PPM1B: variants seen among roughly 807,000 people sequenced by gnomAD.
PPM1B encodes protein phosphatase 1B.
PPM1B carries 22 observed loss-of-function variants against 43.0 expected under a neutral mutation model. That is an observed-to-expected ratio of 0.51 (90% CI 0.37 to 0.73). The LOEUF is 0.73. Ranked by LOEUF, PPM1B falls within the 30% of genes least tolerant of loss-of-function variation. The probability of loss-of-function intolerance (pLI) is 0.00; values close to 1 mark genes in which losing one functional copy is unlikely to be tolerated. For synonymous variants in PPM1B, 217 were observed against 197.9 expected (o/e 1.10, Z -0.81); for missense variants, 632 against 584.2 (o/e 1.08, Z -0.84).
intron 1 of PPM1B, among the ~76,000 whole-genome samples, chr2:44,194,460 A>G (rs892629259): frequency 3.0e-4 from 46 of 151,816 alleles, no homozygotes; most frequent in African/African-American, 1.1e-3. Context: ...GTGTTGGCTC[A>G]TGCCTGTAAT....
At chr2:44,179,637 A>C (rs1263441304) in intron 1 of PPM1B, among the ~76,000 whole-genome samples, 1 of 152,170 alleles carries the variant, frequency 6.6e-6, no homozygotes, top group Non-Finnish European at 1.5e-5. Context: ...TTATTTTGTT[A>C]ATTGTGTTTA....
chr2:44,185,425 A>G (rs1451802942), intron 1 of PPM1B, among the ~76,000 whole-genome samples: 1 of 152,176 alleles, frequency 6.6e-6, no homozygotes, highest in Non-Finnish European at 1.5e-5. Flanking sequence ...ATTCAGTGTG[A>G]TAGATTTTTT....
intron 1 of PPM1B, among the ~76,000 whole-genome samples, chr2:44,179,617 A>G (rs1335002578): frequency 6.6e-6 from 1 of 152,214 alleles, no homozygotes; most frequent in Non-Finnish European, 1.5e-5. Context: ...TGCCGTTGGA[A>G]TGCAGGTGTT....
chr2:44,233,714 G>A (rs554178720), downstream of PPM1B: 1 of 985,820 alleles, frequency 1.0e-6, no homozygotes, highest in East Asian at 1.1e-4. Flanking sequence ...TTTCTGGAGA[G>A]CCACACATTT....
intron 1 of PPM1B, among the ~76,000 whole-genome samples, chr2:44,184,707 C>G (rs187472939): frequency 6.6e-6 from 1 of 152,092 alleles, no homozygotes; most frequent in East Asian, 1.9e-4. Context: ...TTGGCACAGA[C>G]TAAATCAGGG....
chr2:44,202,416 A>G (rs541733210), intron 2 of PPM1B, among the ~76,000 whole-genome samples: 3 of 152,324 alleles, frequency 2.0e-5, no homozygotes, highest in African/African-American at 7.2e-5. Context: ...GATATTACTA[A>G]AAGATCAAGA....
At chr2:44,238,690 A>G (rs1239783535), downstream of PPM1B, among the ~76,000 whole-genome samples, 1 of 151,824 alleles carries the variant, frequency 6.6e-6, no homozygotes, top group Non-Finnish European at 1.5e-5. Flanking sequence ...CGACAGAGCG[A>G]GAATCTGTCT....
At chr2:44,191,070 C>T (rs2104071704) in intron 1 of PPM1B, among the ~76,000 whole-genome samples, 1 of 152,296 alleles carries the variant, frequency 6.6e-6, no homozygotes, top group South Asian at 2.1e-4. Flanking sequence ...TTAAATATTG[C>T]CACTTCACTA....
At chr2:44,204,980 G>A (rs1300041792) in intron 2 of PPM1B, among the ~76,000 whole-genome samples, 3 of 151,470 alleles carry the variant, frequency 2.0e-5, no homozygotes, top group Non-Finnish European at 4.4e-5. Context: ...TATTTAACTC[G>A]AGGGGAGAAT....
intron 5 of PPM1B, among the ~76,000 whole-genome samples, chr2:44,243,809 A>G (rs1208360751): frequency 6.6e-6 from 1 of 152,142 alleles, no homozygotes; most frequent in Non-Finnish European, 1.5e-5. Flanking sequence ...ACAAAAATTG[A>G]ATGTGTTTAT....
In PPM1B at chr2:44,230,005, A is replaced by G. The variant is rs779288287; in HGVS notation, c.1135-408A>G. On this transcript the variant is annotated intron_variant, in intron 5 of 5. Coordinates refer to ENST00000282412, the MANE Select transcript of PPM1B (RefSeq NM_002706.6). ...CCTACTTATTTAGCAGAAATGATGA[A>G]GAAACTGTTCTGATGGCCTGCTTTT... 5 of 1,590,270 alleles carry G rather than the reference A, an allele frequency of 3.1e-6. No homozygotes were observed. In the Admixed American group the frequency reaches 5.2e-5, roughly 17 times the overall value.
intron 1 of PPM1B, among the ~76,000 whole-genome samples, chr2:44,200,257 G>T (rs1457449170): frequency 6.6e-6 from 1 of 152,128 alleles, no homozygotes; most frequent in African/African-American, 2.4e-5. Flanking sequence ...TAGAGTGTAG[G>T]GTTAGCATTG....
chr2:44,237,806 C>G (rs912774432), downstream of PPM1B, among the ~76,000 whole-genome samples: 1 of 152,176 alleles, frequency 6.6e-6, no homozygotes, highest in African/African-American at 2.4e-5. Context: ...CCTTCTTTCC[C>G]TCTCCTGAGT....
intron 1 of PPM1B, among the ~76,000 whole-genome samples, chr2:44,187,432 C>A (rs1040779686): frequency 6.6e-6 from 1 of 152,140 alleles, no homozygotes; most frequent in African/African-American, 2.4e-5. Context: ...TGGATACATA[C>A]ACAGAAGTGG....
rs145089287 is a variant in PPM1B at position 44,224,581 on chromosome 2, C to G, written c.1135-5832C>G. Among the ~76,000 whole-genome samples the G allele has an allele frequency of 5.3e-5, 8 of 152,096 alleles. No homozygotes were observed. The East Asian group carries it at 1.2e-3, about 22-fold the overall frequency. On this transcript the variant is annotated intron_variant, in intron 5 of 5. Coordinates refer to ENST00000282412, the MANE Select transcript of PPM1B (RefSeq NM_002706.6). Reference sequence around the variant, plus strand: ...AAATGTGCTTAGTTCCCTTCCCCCTCCTATTACTACTCTCTGCTTGATTTA... The same window carrying G: ...AAATGTGCTTAGTTCCCTTCCCCCTGCTATTACTACTCTCTGCTTGATTTA...
intron 1 of PPM1B, among the ~76,000 whole-genome samples, chr2:44,180,435 C>T (rs1667819665): frequency 6.6e-6 from 1 of 152,118 alleles, no homozygotes. Context: ...TTAAATGAAT[C>T]AGCAGAAATA....
chr2:44,206,164 G>C (rs371520254), intron 2 of PPM1B, among the ~76,000 whole-genome samples: 1 of 152,062 alleles, frequency 6.6e-6, no homozygotes, highest in Non-Finnish European at 1.5e-5. Flanking sequence ...AAAGTAAAAA[G>C]AACATGTAAT....
intron 3 of PPM1B, chr2:44,213,830 T>C (rs1328520523): frequency 6.6e-6 from 1 of 152,200 alleles, no homozygotes; most frequent in African/African-American, 2.4e-5. Flanking sequence ...GGAGCTGTTT[T>C]TATAGGAGTT....
chr2:44,237,423 G>A (rs1445366365), downstream of PPM1B, among the ~76,000 whole-genome samples: 1 of 152,052 alleles, frequency 6.6e-6, no homozygotes, highest in Non-Finnish European at 1.5e-5. Flanking sequence ...CTTATTTCCT[G>A]TTTCAGTTTT....
Sources: gnomAD v4.1 joint callset for allele counts (sites outside exome capture counted in the v4.1 genomes callset) on GRCh38, gnomAD v4.1.1 for gene constraint, MANE v1.5 for transcripts, NCBI Gene and HGNC (gene_info 2026-07-23, HGNC 2026-07-21) for gene names.